Variants in OXR1 observed in about 807,000 individuals in gnomAD.
The protein encoded by OXR1 is oxidation resistance protein 1.
A neutral mutation model predicts 104.6 loss-of-function variants in OXR1; 41 were observed. The ratio of observed to expected loss-of-function variants is 0.39; its 90% confidence interval spans 0.31 to 0.51. The LOEUF is 0.51. Among genes scored for constraint, OXR1 ranks in the 20% least tolerant of loss-of-function variants. OXR1 has a pLI of 0.77. For synonymous variants in OXR1, 348 were observed against 348.4 expected (o/e 1.00, Z 0.01); for missense variants, 955 against 1,031.9 (o/e 0.93, Z 1.02).
intron 3 of OXR1, among the ~76,000 whole-genome samples, chr8:106,645,401 A>C (rs1248012716): frequency 6.6e-6 from 1 of 152,312 alleles, no homozygotes; most frequent in South Asian, 2.1e-4. Context: ...GTGCCTAGGC[A>C]TGCCCTGCTT....
At chr8:106,361,187 G>C (rs1439283632) in intron 2 of OXR1, among the ~76,000 whole-genome samples, 1 of 152,172 alleles carries the variant, frequency 6.6e-6, no homozygotes, top group Non-Finnish European at 1.5e-5. Context: ...TGCATGCTTG[G>C]AAATGAGTGA....
intron 3 of OXR1, among the ~76,000 whole-genome samples, chr8:106,587,051 A>G (rs1442086596): frequency 6.6e-6 from 1 of 152,220 alleles, no homozygotes; most frequent in African/African-American, 2.4e-5. Context: ...GGTTTTATTA[A>G]GATGAGAAAG....
At chr8:106,561,908 A>T (rs1340579998) in intron 3 of OXR1, among the ~76,000 whole-genome samples, 1 of 152,210 alleles carries the variant, frequency 6.6e-6, no homozygotes, top group Non-Finnish European at 1.5e-5. Flanking sequence ...AAACTAACAA[A>T]CAAAAAGGAA....
chr8:106,661,159 C>T (rs1825724726), intron 3 of OXR1, among the ~76,000 whole-genome samples: 1 of 152,288 alleles, frequency 6.6e-6, no homozygotes, highest in South Asian at 2.1e-4. Flanking sequence ...GCCTGGGTGA[C>T]AGAGTAAGAT....
intron 3 of OXR1, chr8:106,520,607 G>C (rs1813185979): frequency 6.6e-6 from 1 of 152,098 alleles, no homozygotes; most frequent in Admixed American, 6.5e-5. Flanking sequence ...TCCATAGTCA[G>C]GTAATGAGAA....
At chr8:106,448,119 TTATA>T in intron 2 of OXR1, 1 of 1,460,926 alleles carries the variant, frequency 6.8e-7, no homozygotes, top group Non-Finnish European at 9.3e-7. Flanking sequence ...CCTAGTTCCA[TTATA>T]AAATAGCTCT....
At chr8:106,547,244 A>C (rs1815431931) in intron 3 of OXR1, among the ~76,000 whole-genome samples, 1 of 152,144 alleles carries the variant, frequency 6.6e-6, no homozygotes, top group Non-Finnish European at 1.5e-5. Context: ...CATCGCCACC[A>C]TTCATCTCCA....
At chr8:106,446,185 C>T (rs1820004997) in intron 2 of OXR1, among the ~76,000 whole-genome samples, 1 of 152,188 alleles carries the variant, frequency 6.6e-6, no homozygotes, top group South Asian at 2.1e-4. Flanking sequence ...AAATGTGGTT[C>T]ATTAACAAAT....
intron 2 of OXR1, among the ~76,000 whole-genome samples, chr8:106,430,870 TAGTAA>T (rs1819334195): frequency 6.6e-6 from 1 of 152,196 alleles, no homozygotes; most frequent in Non-Finnish European, 1.5e-5. Context: ...TGATTTGCTG[TAGTAA>T]AGTAAATTAT....
At chr8:106,351,663 G>A (rs1434948084) in intron 1 of OXR1, among the ~76,000 whole-genome samples, 1 of 152,180 alleles carries the variant, frequency 6.6e-6, no homozygotes, top group Non-Finnish European at 1.5e-5. Flanking sequence ...ATCACCTGGA[G>A]TCTTGTGAAC....
At chr8:106,736,061 T>G (rs775338353) in intron 11 of OXR1, among the ~76,000 whole-genome samples, 1 of 152,146 alleles carries the variant, frequency 6.6e-6, no homozygotes, top group African/African-American at 2.4e-5. Flanking sequence ...TTAATATGCA[T>G]TTCCTCAGTA....
chr8:106,645,092 T>C (rs2130966107), intron 3 of OXR1, among the ~76,000 whole-genome samples: 1 of 152,150 alleles, frequency 6.6e-6, no homozygotes, highest in East Asian at 1.9e-4. Context: ...GGAGATTTCA[T>C]TTTACTACAT....
chr8:106,553,937 A>G (rs138504787), intron 3 of OXR1, among the ~76,000 whole-genome samples: 71 of 152,368 alleles, frequency 4.7e-4, no homozygotes, highest in African/African-American at 1.6e-3. Flanking sequence ...CCTAGCATGT[A>G]GTAAACATTC....
At chr8:106,705,911 T>C (rs28921417) in intron 8 of OXR1, among the ~76,000 whole-genome samples, 3,861 of 151,748 alleles carry the variant, frequency 0.025, 75 homozygotes, top group Non-Finnish European at 0.04. Context: ...TAATTTAAGC[T>C]CTATTTGAAT....
chr8:106,549,905 C>T (rs145979060), intron 3 of OXR1, among the ~76,000 whole-genome samples: 8 of 152,280 alleles, frequency 5.3e-5, no homozygotes, highest in Non-Finnish European at 8.8e-5. Context: ...ATTTTATCTC[C>T]TGCTTTGGAG....
chr8:106,670,504 G>T (rs1344363128), intron 3 of OXR1, among the ~76,000 whole-genome samples: 1 of 152,150 alleles, frequency 6.6e-6, no homozygotes, highest in Admixed American at 6.5e-5. Context: ...CTAGTTATCA[G>T]ATTTAAAATA....
intron 3 of OXR1, among the ~76,000 whole-genome samples, chr8:106,540,753 C>T (rs946511045): frequency 2.0e-5 from 3 of 152,174 alleles, no homozygotes; most frequent in African/African-American, 7.2e-5. Flanking sequence ...GAGCAAGTCA[C>T]AGCTTACATG....
rs192335766 is a variant in OXR1 at position 106,398,980 on chromosome 8, A to G, written c.23+39344A>G. Among the ~76,000 whole-genome samples, 93 of 152,246 alleles carry G rather than the reference A, an allele frequency of 6.1e-4. 1 individual carries two copies. In the East Asian group the frequency reaches 0.012, roughly 20 times the overall value. On this transcript the variant is annotated intron_variant, in intron 2 of 16. Transcript: ENST00000517566. Reference sequence around the variant, plus strand: ...AAAATTTCTGTTTAATCCCTCCCCAACAAAGTCATCTCAACCAAATTGGAA... The same window carrying G: ...AAAATTTCTGTTTAATCCCTCCCCAGCAAAGTCATCTCAACCAAATTGGAA...
intron 11 of OXR1, among the ~76,000 whole-genome samples, chr8:106,727,824 A>G (rs7839198): frequency 6.6e-6 from 1 of 152,170 alleles, no homozygotes; most frequent in Admixed American, 6.5e-5. Flanking sequence ...CTGCCCATAC[A>G]TATATGTTAT....
Sources: allele counts gnomAD v4.1 joint callset (sites outside exome capture counted in the v4.1 genomes callset), GRCh38; gene constraint gnomAD v4.1.1; transcripts MANE v1.5; gene names NCBI Gene and HGNC (gene_info 2026-07-23, HGNC 2026-07-21).